Variants in TOP6BL observed in about 807,000 individuals in gnomAD.
The protein encoded by TOP6BL is TOP6B like initiator of meiotic double strand breaks, also known as type 2 DNA topoisomerase 6 subunit B-like.
the TOP6BL span, among the ~76,000 whole-genome samples, chr11:66,750,408 G>A: frequency 6.6e-6 from 1 of 151,930 alleles, no homozygotes; most frequent in Non-Finnish European, 1.5e-5. Context: ...TTAGCGGGTT[G>A]TGGTGGCACA....
the TOP6BL span, chr11:66,801,011 A>AGCTTT: frequency 1.7e-5 from 28 of 1,612,322 alleles, no homozygotes; most frequent in East Asian, 2.2e-5. Context: ...GAGATGGCTT[A>AGCTTT]GCTTTGCTTT....
the TOP6BL span, chr11:66,796,163 G>C: frequency 8.6e-3 from 6,003 of 700,246 alleles, 261 homozygotes; most frequent in African/African-American, 0.097. Flanking sequence ...GTCTCCCTTT[G>C]GTTGTCCAAA....
the TOP6BL span, among the ~76,000 whole-genome samples, chr11:66,788,522 A>G: frequency 6.6e-6 from 1 of 152,190 alleles, no homozygotes; most frequent in African/African-American, 2.4e-5. Flanking sequence ...TTGGGCTGCC[A>G]TAACAAAATA....
At chr11:66,807,103 G>A in the TOP6BL span, among the ~76,000 whole-genome samples, 16 of 152,190 alleles carry the variant, frequency 1.1e-4, no homozygotes, top group Non-Finnish European at 2.1e-4. Flanking sequence ...AGTAGAGAAT[G>A]ATGGAGATGT....
the TOP6BL span, among the ~76,000 whole-genome samples, chr11:66,801,341 A>G: frequency 1.3e-5 from 2 of 152,184 alleles, no homozygotes; most frequent in Non-Finnish European, 2.9e-5. Context: ...TTCAGGCCTT[A>G]TTTTACACAG....
At chr11:66,769,448 TAA>T in the TOP6BL span, among the ~76,000 whole-genome samples, 3 of 122,982 alleles carry the variant, frequency 2.4e-5, no homozygotes, top group Admixed American at 8.2e-5. Flanking sequence ...CAATTATACC[TAA>T]AAAAAAAAAA....
the TOP6BL span, among the ~76,000 whole-genome samples, chr11:66,825,235 T>C: frequency 6.7e-6 from 1 of 149,640 alleles, no homozygotes; most frequent in Non-Finnish European, 1.5e-5. Context: ...TGTCAACACT[T>C]TGGGAGGCCA....
the TOP6BL span, chr11:66,821,535 A>T: frequency 7.7e-7 from 1 of 1,292,014 alleles, no homozygotes; most frequent in Non-Finnish European, 1.1e-6. Flanking sequence ...TCGGCCTCCC[A>T]AAGTGCTGGG....
the TOP6BL span, among the ~76,000 whole-genome samples, chr11:66,768,646 C>T: frequency 1.3e-5 from 2 of 150,816 alleles, no homozygotes; most frequent in Non-Finnish European, 2.9e-5. Flanking sequence ...TCAAGACACG[C>T]TAAAACAGAT....
chr11:66,787,347 AT>A, the TOP6BL span, among the ~76,000 whole-genome samples: 3 of 151,974 alleles, frequency 2.0e-5, no homozygotes, highest in African/African-American at 4.8e-5. Context: ...TTTAGGGCAT[AT>A]TTTTTTAATC....
the TOP6BL span, among the ~76,000 whole-genome samples, chr11:66,776,128 G>A: frequency 2.0e-5 from 3 of 151,094 alleles, no homozygotes; most frequent in Non-Finnish European, 4.4e-5. Context: ...GCGTGATCTC[G>A]GCTCACTGCA....
the TOP6BL span, among the ~76,000 whole-genome samples, chr11:66,835,790 T>C: frequency 6.6e-6 from 1 of 152,248 alleles, no homozygotes; most frequent in Non-Finnish European, 1.5e-5. Flanking sequence ...ATATACCACA[T>C]TTTATCCATT....
the TOP6BL span, chr11:66,828,510 C>A: frequency 1.6e-6 from 1 of 618,500 alleles, no homozygotes; most frequent in South Asian, 1.9e-5. Context: ...ACAAAATCAT[C>A]TGTTTTCTAT....
chr11:66,822,427 G>T, the TOP6BL span: 16 of 617,820 alleles, frequency 2.6e-5, 1 homozygote, highest in South Asian at 3.0e-4. Flanking sequence ...AATATGTGAG[G>T]ATCTCAGTAA....
chr11:66,761,225 G>T, the TOP6BL span, among the ~76,000 whole-genome samples: 9 of 152,072 alleles, frequency 5.9e-5, no homozygotes, highest in African/African-American at 1.9e-4. Flanking sequence ...CTAAAAATTA[G>T]CCGGGCGTGG....
chr11:66,790,128 CG>C, the TOP6BL span, among the ~76,000 whole-genome samples: 19 of 151,794 alleles, frequency 1.3e-4, no homozygotes, highest in Non-Finnish European at 2.5e-4. Context: ...AAAAATTAGC[CG>C]GGTGTGGTGG....
At chr11:66,796,072 G>A in the TOP6BL span, 2 of 497,038 alleles carry the variant, frequency 4.0e-6, no homozygotes, top group Non-Finnish European at 7.2e-6. Context: ...GTCTTCTGAA[G>A]TTCCGTGTAA....
the TOP6BL span, among the ~76,000 whole-genome samples, chr11:66,808,874 A>G: frequency 6.6e-6 from 1 of 152,180 alleles, no homozygotes; most frequent in Admixed American, 6.5e-5. Context: ...CCAAAAAGAG[A>G]AGAGAGAAGA....
the TOP6BL span, among the ~76,000 whole-genome samples, chr11:66,749,048 T>TTG: frequency 8.9e-4 from 134 of 151,186 alleles, no homozygotes; most frequent in South Asian, 4.4e-3. Flanking sequence ...TGTTAGCTTT[T>TTG]TGTGTGTGTG....
Sources: allele counts gnomAD v4.1 joint callset (sites outside exome capture counted in the v4.1 genomes callset), GRCh38; gene constraint gnomAD v4.1.1; transcripts MANE v1.5; gene names NCBI Gene and HGNC (gene_info 2026-07-23, HGNC 2026-07-21).